The following SF3A3 variants were observed in gnomAD, a reference collection of about 807,000 sequenced individuals.
SF3A3 encodes SAP 61.
A neutral mutation model predicts 85.8 loss-of-function variants in SF3A3; 9 were observed. The observed-to-expected ratio is 0.10, with a 90% CI of 0.06 to 0.18. The LOEUF (loss-of-function observed/expected upper bound fraction) is 0.18, where lower values mean the gene tolerates loss of function less well. Among genes scored for constraint, SF3A3 ranks in the 10% least tolerant of loss-of-function variants. The probability of loss-of-function intolerance (pLI) is 1.00; values close to 1 mark genes in which losing one functional copy is unlikely to be tolerated. For missense variants in SF3A3, 306 were observed against 593.3 expected (o/e 0.52, Z 5.03); for synonymous variants, 195 against 204.4 (o/e 0.95, Z 0.39).
chr1:37,971,526 T>C (rs1343382942), intron 12 of SF3A3, among the ~76,000 whole-genome samples: 1 of 152,194 alleles, frequency 6.6e-6, no homozygotes, highest in Non-Finnish European at 1.5e-5. Flanking sequence ...ATCATCCTGA[T>C]ACCAAAGCCT....
chr1:37,968,723 A>G (rs189426225), intron 14 of SF3A3, among the ~76,000 whole-genome samples: 40 of 152,314 alleles, frequency 2.6e-4, no homozygotes, highest in Admixed American at 1.2e-3. Flanking sequence ...AGCAAAAAAG[A>G]CCCATTATCA....
At chr1:37,973,197 G>GAAAAA (rs1646355326) in intron 12 of SF3A3, among the ~76,000 whole-genome samples, 1 of 151,310 alleles carries the variant, frequency 6.6e-6, no homozygotes, top group South Asian at 2.1e-4. Context: ...AAAAGAAAAA[G>GAAAAA]AAAAAGAAAA....
chr1:37,987,040 T>C (rs1557756362), intron 4 of SF3A3, among the ~76,000 whole-genome samples: 1 of 152,134 alleles, frequency 6.6e-6, no homozygotes, highest in Non-Finnish European at 1.5e-5. Flanking sequence ...ACCCATACTG[T>C]GCTCAGTCAC....
At chr1:37,970,665 C>T (rs928125155) in intron 12 of SF3A3, among the ~76,000 whole-genome samples, 18 of 152,126 alleles carry the variant, frequency 1.2e-4, no homozygotes, top group African/African-American at 2.9e-4. Flanking sequence ...GTCTCTCAGA[C>T]GACAGTGCAG....
chr1:37,969,601 G>A lies in SF3A3; in HGVS notation c.1140C>T (p.Pro380=). 2 of 1,614,178 alleles carry A rather than the reference G, an allele frequency of 1.2e-6. No homozygotes were observed. Among genetic ancestry groups the A allele is most frequent in the Middle Eastern group, 3.3e-4 (2 of 6,052 alleles). The change falls in exon 13 of 17, where the codon CCC becomes CCT. Residue 380 remains proline (P), a synonymous_variant. Transcript: ENST00000373019. ...CATCCCAGCCAAGTGGCAGGTTTTTGGGGTTGTAAATGATCTCGTTCTCTT... is the reference window on the plus strand; with the variant it reads ...CATCCCAGCCAAGTGGCAGGTTTTTAGGGTTGTAAATGATCTCGTTCTCTT... The part of the protein sequence containing the change: ...EDEENEIIYN[P]KNLPLGWDGK...
At chr1:37,986,811 CA>C (rs1186890843) in intron 4 of SF3A3, among the ~76,000 whole-genome samples, 85 of 62,242 alleles carry the variant, frequency 1.4e-3, no homozygotes, top group African/African-American at 3.7e-3. Flanking sequence ...GACTCCATCT[CA>C]AAAAAAAAAA....
intron 11 of SF3A3, among the ~76,000 whole-genome samples, chr1:37,978,505 C>T (rs1181374883): frequency 1.3e-5 from 2 of 152,062 alleles, no homozygotes; most frequent in Non-Finnish European, 2.9e-5. Flanking sequence ...AATTTAGAAA[C>T]TTGATGTGCT....
At chr1:37,973,625 T>C (rs1211061636) in intron 12 of SF3A3, among the ~76,000 whole-genome samples, 1 of 152,234 alleles carries the variant, frequency 6.6e-6, no homozygotes, top group Non-Finnish European at 1.5e-5. Context: ...GCTTTTACAC[T>C]GTTGGTGGGA....
intron 2 of SF3A3, 144 bp from the exon 3 acceptor site, chr1:37,987,980 A>G (rs1473973546): frequency 1.4e-6 from 1 of 707,064 alleles, no homozygotes; most frequent in Non-Finnish European, 2.5e-6. Context: ...TGTGCTTCCT[A>G]GTACCTTTAA....
rs994495590 is a variant in SF3A3, at chr1:37,990,021, C to T, written c.-56G>A. 2 of 1,359,754 alleles carry T rather than the reference C, an allele frequency of 1.5e-6. No individual in the cohort carries two copies. Among genetic ancestry groups the T allele is most frequent in the Non-Finnish European group, 2.1e-6 (2 of 959,640 alleles). The allele number at this position is 1,359,754 out of a possible 1,614,324, so 84.2% of individuals were successfully genotyped here. On this transcript the variant is annotated 5_prime_UTR_variant, in exon 1 of 17. Coordinates refer to ENST00000373019, the MANE Select transcript of SF3A3 (RefSeq NM_006802.4). The stretch of plus-strand genomic sequence containing the variant: ...CCACCAACACGGCCGGAAGCAACTC[C>T]TGCCGCCCAGCGCGCCTGAGTCCCC...
chr1:37,989,514 C>T lies in SF3A3; in HGVS notation c.144+34G>A, dbSNP rs1646479889. ...TTCCCCTCTCTTTTCCCGCCCTCGC[C>T]AACCCAAAGAGAGGCAGACAGCTGG... On this transcript the variant is annotated intron_variant, in intron 2 of 16. Transcript: ENST00000373019. The T allele has an allele frequency of 5.0e-6, 8 of 1,607,124 alleles. No individual in the cohort carries two copies. The African/African-American group carries it at 5.4e-5, about 11-fold the overall frequency.
At chr1:37,970,058 A>G (rs1183838570) in intron 12 of SF3A3, among the ~76,000 whole-genome samples, 1 of 152,120 alleles carries the variant, frequency 6.6e-6, no homozygotes, top group Non-Finnish European at 1.5e-5. Flanking sequence ...TAATCCCATC[A>G]CTTTTGGAGG....
intron 12 of SF3A3, among the ~76,000 whole-genome samples, chr1:37,975,178 C>T (rs893268249): frequency 1.3e-5 from 2 of 152,190 alleles, no homozygotes; most frequent in South Asian, 4.1e-4. Flanking sequence ...TTGGCTAGAA[C>T]TGGTTGGAAT....
At chr1:37,984,304 C>T in intron 5 of SF3A3, 44 bp from the exon 6 acceptor site, 1 of 1,106,004 alleles carries the variant, frequency 9.0e-7, no homozygotes, top group South Asian at 1.3e-5. Flanking sequence ...CTACAGACCA[C>T]TCTCTTGGAC....
intron 12 of SF3A3, among the ~76,000 whole-genome samples, chr1:37,973,109 G>A (rs1211952605): frequency 6.6e-6 from 1 of 152,106 alleles, no homozygotes; most frequent in Non-Finnish European, 1.5e-5. Flanking sequence ...GAACCAGGAG[G>A]TGGAGGTTGC....
At chr1:37,981,526 G>T (rs1646418584) in intron 7 of SF3A3, among the ~76,000 whole-genome samples, 1 of 152,176 alleles carries the variant, frequency 6.6e-6, no homozygotes, top group South Asian at 2.1e-4. Context: ...GATGGAAGAT[G>T]TGCCCACAGA....
intron 15 of SF3A3, among the ~76,000 whole-genome samples, chr1:37,963,649 T>G (rs991416810): frequency 6.6e-6 from 1 of 150,614 alleles, no homozygotes; most frequent in Non-Finnish European, 1.5e-5. Flanking sequence ...CTCCGCCTCC[T>G]GGGTTCACGC....
intron 4 of SF3A3, among the ~76,000 whole-genome samples, chr1:37,985,989 C>T (rs1486860300): frequency 7.9e-6 from 1 of 125,874 alleles, no homozygotes; most frequent in Non-Finnish European, 1.6e-5. Flanking sequence ...TGCTCTGTTG[C>T]CCAGGCTGGA....
chr1:37,960,474 A>G, intron 15 of SF3A3: 1 of 359,358 alleles, frequency 2.8e-6, no homozygotes, highest in Admixed American at 4.1e-5. Context: ...CTATGAGAAT[A>G]ATGGGGAAAG....
Sources: gnomAD v4.1 joint callset for allele counts (sites outside exome capture counted in the v4.1 genomes callset) on GRCh38, gnomAD v4.1.1 for gene constraint, MANE v1.5 for transcripts, NCBI Gene and HGNC (gene_info 2026-07-23, HGNC 2026-07-21) for gene names.